Variants in CD33 observed in about 807,000 individuals in gnomAD.
CD33 encodes CD33 molecule.
CD33 carries 25 observed loss-of-function variants against 31.4 expected under a neutral mutation model. That is an observed-to-expected ratio of 0.80 (90% CI 0.58 to 1.11). The LOEUF (loss-of-function observed/expected upper bound fraction) is 1.11. CD33 is among the 50% of genes most tolerant of loss of function. The pLI is 0.00. For synonymous variants in CD33, 176 were observed against 180.6 expected, an observed-to-expected ratio of 0.97 and a Z score of 0.20; for missense variants, 407 against 448.1, an observed-to-expected ratio of 0.91 and a Z score of 0.83.
the CD33 span, among the ~76,000 whole-genome samples, chr19:51,212,665 T>C: frequency 7.2e-5 from 11 of 152,122 alleles, no homozygotes; most frequent in African/African-American, 2.7e-4. Flanking sequence ...CCTCTTTCTA[T>C]TTCCCCCTGT....
chr19:51,216,154 C>T, the CD33 span, among the ~76,000 whole-genome samples: 1 of 151,890 alleles, frequency 6.6e-6, no homozygotes, highest in Non-Finnish European at 1.5e-5. Flanking sequence ...TCCTGAAATG[C>T]CCTTCCCTCC....
chr19:51,236,038 G>A (rs1224813888), intron 6 of CD33: 2 of 554,196 alleles, frequency 3.6e-6, no homozygotes, highest in South Asian at 1.9e-5. Flanking sequence ...GGCGCCTGTA[G>A]TCCCAGCTAC....
intron 4 of CD33, among the ~76,000 whole-genome samples, chr19:51,230,849 C>T (rs923546547): frequency 6.6e-6 from 1 of 152,162 alleles, no homozygotes; most frequent in Non-Finnish European, 1.5e-5. Flanking sequence ...AGTCTTGGAA[C>T]ATGTCCTGGG....
chr19:51,215,552 T>C, the CD33 span, among the ~76,000 whole-genome samples: 1 of 152,144 alleles, frequency 6.6e-6, no homozygotes, highest in Non-Finnish European at 1.5e-5. Flanking sequence ...TGGGCTAATC[T>C]CTCAGGTGAG....
the CD33 span, among the ~76,000 whole-genome samples, chr19:51,214,515 G>A: frequency 6.6e-6 from 1 of 152,150 alleles, no homozygotes; most frequent in African/African-American, 2.4e-5. Flanking sequence ...TTATTTAAAA[G>A]ATGTATAGCC....
rs2455069 is a variant in CD33, at chr19:51,225,385, A to G, written c.205A>G (p.Arg69Gly). 644,836 of 1,613,862 alleles carry G rather than the reference A, an allele frequency of 0.4. 134,591 individuals are homozygous for G. The highest frequency in any genetic ancestry group is 0.5 in the African/African-American group (37,612 of 74,936). Residue 69 changes from arginine (R) to glycine (G), a missense_variant, in exon 2 of 7, where the codon AGG (arginine) becomes GGG (glycine). Coordinates refer to ENST00000262262, the MANE Select transcript of CD33 (RefSeq NM_001772.4). ...YWFREGAIIS[R>G]DSPVATNKLD... is the part of the protein sequence containing the mutation. Reference sequence around the variant, plus strand: ...GTTCCGGGAAGGAGCCATTATATCCAGGGACTCTCCAGTGGCCACAAACAA... The same window carrying G: ...GTTCCGGGAAGGAGCCATTATATCCGGGGACTCTCCAGTGGCCACAAACAA...
At chr19:51,213,788 G>A in the CD33 span, among the ~76,000 whole-genome samples, 4 of 150,998 alleles carry the variant, frequency 2.6e-5, no homozygotes, top group Admixed American at 2.0e-4. Flanking sequence ...TGCCTGCCTC[G>A]GCCTCCCAAA....
the CD33 span, chr19:51,211,675 G>T: frequency 9.5e-7 from 1 of 1,048,878 alleles, no homozygotes; most frequent in Non-Finnish European, 1.4e-6. Context: ...GTCCTGGAAG[G>T]GGGTTGGGAA....
the CD33 span, chr19:51,211,231 A>C: frequency 4.5e-6 from 7 of 1,568,638 alleles, no homozygotes; most frequent in African/African-American, 9.5e-5. Flanking sequence ...GGATCCAAAA[A>C]TCCGGCTGCA....
Position 51,226,375 on chromosome 19 carries a change from G to A in CD33, c.745+19G>A, listed in dbSNP as rs373903734. 173 of 1,608,910 alleles carry A rather than the reference G, an allele frequency of 1.1e-4. No individual in the cohort carries two copies. The Admixed American group carries it at 1.5e-3, about 14-fold the overall frequency. On this transcript the variant is annotated intron_variant, in intron 4 of 6. Coordinates refer to ENST00000262262, the MANE Select transcript of CD33 (RefSeq NM_001772.4). ...GGCTCAGGTAGGAAGGAGCCTCCCC[G>A]CCTGGGGCTGTTACTGACATTGAGT... is the stretch of plus-strand genomic sequence containing the variant.
chr19:51,212,011 G>A, the CD33 span: 25 of 1,031,274 alleles, frequency 2.4e-5, no homozygotes, highest in East Asian at 5.6e-5. Context: ...CTCACCTGTC[G>A]AGTGACGTTC....
At chr19:51,212,563 C>T in the CD33 span, among the ~76,000 whole-genome samples, 5 of 152,076 alleles carry the variant, frequency 3.3e-5, no homozygotes, top group South Asian at 1.0e-3. Flanking sequence ...CACACAACCC[C>T]CTCAACCCCA....
the CD33 span, chr19:51,212,153 A>G: frequency 2.1e-6 from 1 of 472,350 alleles, no homozygotes; most frequent in Non-Finnish European, 4.0e-6. Flanking sequence ...GACTGGGGCC[A>G]CTGGTGGCTG....
At chr19:51,233,360 C>T (rs750862358) in intron 4 of CD33, among the ~76,000 whole-genome samples, 9 of 152,212 alleles carry the variant, frequency 5.9e-5, no homozygotes, top group East Asian at 5.8e-4. Flanking sequence ...GCTGGAAGTA[C>T]GGGCAGCAGG....
the CD33 span, among the ~76,000 whole-genome samples, chr19:51,213,856 T>A: frequency 6.7e-6 from 1 of 148,306 alleles, no homozygotes; most frequent in African/African-American, 2.5e-5. Context: ...TTTTCTTTTT[T>A]TTTTTTTCCT....
chr19:51,212,241 G>A, the CD33 span, among the ~76,000 whole-genome samples: 1 of 152,132 alleles, frequency 6.6e-6, no homozygotes, highest in Non-Finnish European at 1.5e-5. Flanking sequence ...TCTGGGGTAG[G>A]GAAGGAGTGC....
exon 1 of CD33, chr19:51,225,072 CCTCTTTTCTG>C (rs1436002385): frequency 6.2e-7 from 1 of 1,611,788 alleles, no homozygotes; most frequent in Non-Finnish European, 8.5e-7. Context: ...CCACTCCCTT[CCTCTTTTCTG>C]CTCACACAGG....
At chr19:51,217,356 T>A in the CD33 span, among the ~76,000 whole-genome samples, 4 of 152,052 alleles carry the variant, frequency 2.6e-5, no homozygotes, top group Admixed American at 2.6e-4. Flanking sequence ...TCTGAACATC[T>A]CACTCTTTCG....
intron 6 of CD33, chr19:51,236,954 G>A (rs1981847686): frequency 6.6e-6 from 1 of 152,218 alleles, no homozygotes; most frequent in South Asian, 2.1e-4. Flanking sequence ...CTACACTCCT[G>A]AAAGATTGGC....
Sources: allele counts gnomAD v4.1 joint callset (sites outside exome capture counted in the v4.1 genomes callset), GRCh38; gene constraint gnomAD v4.1.1; transcripts MANE v1.5; gene names NCBI Gene and HGNC (gene_info 2026-07-23, HGNC 2026-07-21).